DPP10: variants seen among roughly 807,000 people sequenced by gnomAD.
The protein encoded by DPP10 is inactive dipeptidyl peptidase 10.
In DPP10, 33 loss-of-function variants were observed where a neutral mutation model predicts 120.9. That is an observed-to-expected ratio of 0.27 (90% CI 0.21 to 0.37). DPP10 has a LOEUF of 0.37. Ranked by LOEUF, DPP10 falls within the 10% of genes least tolerant of loss-of-function variation. The pLI, the probability that DPP10 is intolerant of heterozygous loss-of-function variation, is 1.00. For missense variants in DPP10, 816 were observed against 942.8 expected (o/e 0.87, Z 1.76); for synonymous variants, 337 against 326.1 (o/e 1.03, Z -0.36).
At chr2:115,483,719 T>TA (rs1343101885) in intron 3 of DPP10, among the ~76,000 whole-genome samples, 2 of 152,140 alleles carry the variant, frequency 1.3e-5, no homozygotes, top group Non-Finnish European at 2.9e-5. Context: ...GTTGTAGGTT[T>TA]AGAGTTCAGC....
chr2:114,809,472 G>A (rs77388179), intron 1 of DPP10, among the ~76,000 whole-genome samples: 2,018 of 152,268 alleles, frequency 0.013, 41 homozygotes, highest in African/African-American at 0.04. Context: ...AAAAGTAGTC[G>A]ATGCTGGAAA....
At chr2:115,364,658 A>T (rs1357491360) in intron 3 of DPP10, among the ~76,000 whole-genome samples, 1 of 144,664 alleles carries the variant, frequency 6.9e-6, no homozygotes, top group Non-Finnish European at 1.5e-5. Flanking sequence ...AGTTGCCAGC[A>T]TGACTTTTAT....
chr2:115,244,031 T>G (rs2058407891), intron 1 of DPP10, among the ~76,000 whole-genome samples: 1 of 151,526 alleles, frequency 6.6e-6, no homozygotes, highest in Non-Finnish European at 1.5e-5. Context: ...TTTTATGTGT[T>G]TGCTATTAAC....
At chr2:115,402,875 A>ATATATATATATATATG (rs1167991546) in intron 3 of DPP10, among the ~76,000 whole-genome samples, 1 of 125,240 alleles carries the variant, frequency 8.0e-6, no homozygotes, top group African/African-American at 3.2e-5. Flanking sequence ...ATATATATAT[A>ATATATATATATATATG]TGTGTGTGTG....
chr2:114,527,356 A>G lies in DPP10; in HGVS notation c.60+84518A>G, dbSNP rs553438472. ...GTGAGCAGCACATCGCATTCTACCA[A>G]TTTAGCTTTTTTACAGAATCCCAGT... On this transcript the variant is annotated intron_variant, in intron 1 of 25. Transcript: ENST00000410059. 2.7e-5 allele frequency among the ~76,000 whole-genome samples: 4 copies of G among 149,684 alleles called. No homozygotes were observed. The South Asian group carries it at 8.3e-4, about 31-fold the overall frequency.
At chr2:114,852,632 C>A (rs183810760) in intron 1 of DPP10, among the ~76,000 whole-genome samples, 53 of 151,774 alleles carry the variant, frequency 3.5e-4, no homozygotes, top group Middle Eastern at 3.2e-3. Flanking sequence ...GCGGCGGGGG[C>A]GGGGGTCTGA....
chr2:114,769,209 A>T (rs1226620716), intron 1 of DPP10, among the ~76,000 whole-genome samples: 1 of 152,146 alleles, frequency 6.6e-6, no homozygotes, highest in African/African-American at 2.4e-5. Flanking sequence ...CAGGAATCAG[A>T]ATACTTGGCT....
At chr2:114,765,889 A>G (rs1312147585) in intron 1 of DPP10, among the ~76,000 whole-genome samples, 1 of 152,142 alleles carries the variant, frequency 6.6e-6, no homozygotes, top group Non-Finnish European at 1.5e-5. Context: ...TAAGTAATAA[A>G]AAAATCCTAA....
At chr2:115,373,487 G>T (rs571906628) in intron 3 of DPP10, among the ~76,000 whole-genome samples, 3 of 114,970 alleles carry the variant, frequency 2.6e-5, no homozygotes, top group African/African-American at 9.5e-5. Context: ...TTGATCATAG[G>T]ATGAAGGGGA....
intron 1 of DPP10, among the ~76,000 whole-genome samples, chr2:115,053,638 T>G (rs1328126300): frequency 6.6e-6 from 1 of 152,238 alleles, no homozygotes; most frequent in Admixed American, 6.5e-5. Flanking sequence ...TTTAAACATT[T>G]ACAAAAAAAT....
chr2:115,172,511 A>AT (rs1424673170), intron 1 of DPP10, among the ~76,000 whole-genome samples: 1 of 152,188 alleles, frequency 6.6e-6, no homozygotes, highest in Non-Finnish European at 1.5e-5. Flanking sequence ...CATGAGGATA[A>AT]TTTTTCAGAC....
chr2:115,148,519 C>T (rs2051355292), intron 1 of DPP10, among the ~76,000 whole-genome samples: 1 of 152,118 alleles, frequency 6.6e-6, no homozygotes, highest in South Asian at 2.1e-4. Context: ...TATAGCTGTA[C>T]ATACACTGGA....
chr2:115,250,357 A>G (rs1473402735), intron 1 of DPP10, among the ~76,000 whole-genome samples: 2 of 152,216 alleles, frequency 1.3e-5, no homozygotes, highest in Non-Finnish European at 2.9e-5. Context: ...TGCTGCCTTT[A>G]GTCGCAGAAG....
At chr2:115,379,259 C>A (rs1445052045) in intron 3 of DPP10, among the ~76,000 whole-genome samples, 15 of 152,160 alleles carry the variant, frequency 9.9e-5, no homozygotes. Context: ...AGAGATTCAG[C>A]TTCTTCCTGG....
At chr2:115,474,696 G>C (rs1272662630) in intron 3 of DPP10, among the ~76,000 whole-genome samples, 1 of 145,806 alleles carries the variant, frequency 6.9e-6, no homozygotes, top group African/African-American at 2.6e-5. Context: ...GAGTGTAAAA[G>C]ATTGGACAAT....
intron 17 of DPP10, among the ~76,000 whole-genome samples, chr2:115,784,621 C>T (rs917152472): frequency 3.9e-5 from 6 of 152,096 alleles, no homozygotes; most frequent in Non-Finnish European, 7.4e-5. Flanking sequence ...GCAACCTCCA[C>T]CTCCCAGGTT....
intron 1 of DPP10, among the ~76,000 whole-genome samples, chr2:114,648,388 G>T (rs1486168668): frequency 6.6e-6 from 1 of 152,018 alleles, no homozygotes; most frequent in African/African-American, 2.4e-5. Context: ...TTCTTTTTTG[G>T]AGCCTTAGCC....
At chr2:115,524,958 C>T (rs901653258) in intron 4 of DPP10, among the ~76,000 whole-genome samples, 2 of 151,856 alleles carry the variant, frequency 1.3e-5, no homozygotes, top group Non-Finnish European at 2.9e-5. Flanking sequence ...GTTTTGGGGT[C>T]CCTATGTAAA....
At chr2:114,518,688 G>A (rs1423390612) in intron 1 of DPP10, among the ~76,000 whole-genome samples, 7 of 152,176 alleles carry the variant, frequency 4.6e-5, no homozygotes, top group Admixed American at 2.6e-4. Flanking sequence ...CCAGGCCCTC[G>A]CAGATCCATG....
Sources: gnomAD v4.1 joint callset for allele counts (sites outside exome capture counted in the v4.1 genomes callset) on GRCh38, gnomAD v4.1.1 for gene constraint, MANE v1.5 for transcripts, NCBI Gene and HGNC (gene_info 2026-07-23, HGNC 2026-07-21) for gene names.